Variants in MALRD1 observed in about 807,000 individuals in gnomAD.
MALRD1 encodes MAM and LDL receptor class A domain containing 1.
MALRD1 carries 247 observed loss-of-function variants against 242.1 expected under a neutral mutation model. The observed-to-expected ratio is 1.02, with a 90% CI of 0.92 to 1.13. The LOEUF is 1.13. MALRD1 is among the 50% of genes most tolerant of loss of function. The probability of loss-of-function intolerance (pLI) is 0.00; values close to 1 mark genes in which losing one functional copy is unlikely to be tolerated. For synonymous variants in MALRD1, 995 were observed against 866.6 expected, an observed-to-expected ratio of 1.15 and a Z score of -2.60; for missense variants, 2,989 against 2,533.1, an observed-to-expected ratio of 1.18 and a Z score of -3.86.
intron 33 of MALRD1, among the ~76,000 whole-genome samples, chr10:19,586,477 A>G (rs894689076): frequency 3.9e-5 from 6 of 151,900 alleles, no homozygotes; most frequent in African/African-American, 1.5e-4. Flanking sequence ...CTGTTGGAGT[A>G]CCCGGCCGTG....
At chr10:19,628,454 A>C (rs528250718) in intron 36 of MALRD1, among the ~76,000 whole-genome samples, 1 of 152,278 alleles carries the variant, frequency 6.6e-6, no homozygotes, top group South Asian at 2.1e-4. Context: ...AAAATAGAAG[A>C]TATAAATCCT....
chr10:19,441,149 G>T (rs2130987458), intron 28 of MALRD1, among the ~76,000 whole-genome samples: 1 of 152,278 alleles, frequency 6.6e-6, no homozygotes, highest in African/African-American at 2.4e-5. Flanking sequence ...CTTCTTTTGA[G>T]AAGTGTCTGT....
chr10:19,099,147 T>C (rs960924118), intron 4 of MALRD1, among the ~76,000 whole-genome samples: 1 of 152,300 alleles, frequency 6.6e-6, no homozygotes, highest in Admixed American at 6.5e-5. Flanking sequence ...GTAGCCTTTT[T>C]TTATTGGCAC....
At chr10:19,307,452 G>T (rs541241523) in intron 21 of MALRD1, among the ~76,000 whole-genome samples, 22 of 151,576 alleles carry the variant, frequency 1.5e-4, no homozygotes, top group African/African-American at 5.3e-4. Context: ...TAACTTTTTA[G>T]CTTGAGAGAT....
Position 19,352,146 on chromosome 10 carries a change from G to A in MALRD1, c.4290G>A (p.Leu1430=), listed in dbSNP as rs1297702798. The part of the protein sequence containing the change: ...GNFWRREELS[L]FGDEDFQLKF... ...TCTGGCGGAGAGAAGAACTGTCACT[G>A]TTTGGTGATGAAGACTTCCAACTCA... Residue 1430 remains leucine (L), a synonymous_variant, in exon 26 of 40, where the codon CTG becomes CTA. Transcript: ENST00000454679. 6 of 1,550,482 alleles carry A rather than the reference G, an allele frequency of 3.9e-6. No homozygotes were observed. The highest frequency in any genetic ancestry group is 5.2e-6 in the Non-Finnish European group (6 of 1,146,956).
At chr10:19,562,790 T>C (rs990607298) in intron 32 of MALRD1, among the ~76,000 whole-genome samples, 4 of 152,104 alleles carry the variant, frequency 2.6e-5, no homozygotes, top group Non-Finnish European at 5.9e-5. Context: ...TAGATTCCCA[T>C]AGAAGCATGA....
chr10:19,316,369 G>A (rs7894610), intron 21 of MALRD1, among the ~76,000 whole-genome samples: 11,934 of 151,866 alleles, frequency 0.079, 1,016 homozygotes, highest in African/African-American at 0.22. Flanking sequence ...CTGGAATACT[G>A]CAGCAGAGTG....
At chr10:19,119,680 C>A (rs1836994473) in intron 5 of MALRD1, among the ~76,000 whole-genome samples, 1 of 152,170 alleles carries the variant, frequency 6.6e-6, no homozygotes, top group African/African-American at 2.4e-5. Flanking sequence ...GGGTCAGAAT[C>A]TTGTAGCCTC....
chr10:19,666,499 C>T (rs924453158), intron 36 of MALRD1, among the ~76,000 whole-genome samples: 5 of 152,148 alleles, frequency 3.3e-5, no homozygotes, highest in African/African-American at 1.2e-4. Context: ...ACCTCAAACC[C>T]ATTTTTACAT....
chr10:19,320,041 C>CTTTTTTTTTTTTTTTTTTTTTTTTAATTT (rs34481531), intron 21 of MALRD1, among the ~76,000 whole-genome samples: 1 of 73,070 alleles, frequency 1.4e-5, no homozygotes, highest in African/African-American at 5.7e-5. Flanking sequence ...TATAAAACTG[C>CTTTTTTTTTTTTTTTTTTTTTTTTAATTT]TTTTTTTTTT....
At chr10:19,557,463 A>G (rs904847021) in intron 32 of MALRD1, among the ~76,000 whole-genome samples, 1 of 152,046 alleles carries the variant, frequency 6.6e-6, no homozygotes, top group South Asian at 2.1e-4. Context: ...TTTTGGTAAC[A>G]CATGTATACT....
intron 31 of MALRD1, among the ~76,000 whole-genome samples, chr10:19,529,622 A>T (rs1441337498): frequency 6.6e-6 from 1 of 150,908 alleles, no homozygotes; most frequent in African/African-American, 2.5e-5. Flanking sequence ...TAAATGTTAT[A>T]AATATTAGTC....
chr10:19,238,848 G>A (rs1471480833), intron 18 of MALRD1, among the ~76,000 whole-genome samples: 1 of 151,096 alleles, frequency 6.6e-6, no homozygotes, highest in African/African-American at 2.4e-5. Flanking sequence ...TCAACAGTGT[G>A]TAAGTGTTCC....
At chr10:19,284,060 G>A (rs990798121) in intron 21 of MALRD1, among the ~76,000 whole-genome samples, 11 of 152,174 alleles carry the variant, frequency 7.2e-5, no homozygotes, top group African/African-American at 2.2e-4. Context: ...AAAGGGAAAG[G>A]CCCTGAGCCA....
At chr10:19,511,296 C>G (rs1456779434) in intron 31 of MALRD1, among the ~76,000 whole-genome samples, 1 of 152,038 alleles carries the variant, frequency 6.6e-6, no homozygotes, top group Admixed American at 6.5e-5. Flanking sequence ...GACATGGAGT[C>G]AAAAAGATCA....
At position 19,133,872 on chromosome 10, in the gene MALRD1, G is replaced by A; in HGVS notation, c.1127G>A (p.Trp376Ter). The A allele has an allele frequency of 8.1e-7, 1 of 1,228,386 alleles. No individual in the cohort carries two copies. The highest frequency in any genetic ancestry group is 1.0e-6 in the Non-Finnish European group (1 of 985,258). 76.1% of individuals were successfully genotyped at this position (1,228,386 alleles called of 1,614,324 possible). A position where few individuals can be genotyped will look rare whatever the true frequency, so the allele number is the denominator to read the frequency against. ...AAATCAAAGGAAGAAGAAATATTTT[G>A]GACATACAACATATCAACTCACAGC... ...LYNNKEEEIF[W>*]TYNISTHSQW... The change falls in exon 9 of 40, where the codon TGG (tryptophan) becomes TAG (stop). Residue 376 changes from tryptophan (W) to a stop codon, truncating the protein, a stop_gained. Transcript: ENST00000454679. LOFTEE classifies it high-confidence loss of function.
chr10:19,646,756 A>G (rs900411824), intron 36 of MALRD1, among the ~76,000 whole-genome samples: 4 of 152,220 alleles, frequency 2.6e-5, no homozygotes, highest in African/African-American at 7.2e-5. Context: ...TTAAAAAAAT[A>G]TATATAATGC....
Position 19,163,635 on chromosome 10 carries a change from G to A in MALRD1, c.1657-2002G>A, listed in dbSNP as rs548954931. ...TTGCCTATGTAACAAATCTTCACATGTACCCCTGAACCTAAAATAGAAGTA... is the reference window on the plus strand; with the variant it reads ...TTGCCTATGTAACAAATCTTCACATATACCCCTGAACCTAAAATAGAAGTA... On this transcript the variant is annotated intron_variant, in intron 12 of 39. Transcript: ENST00000454679. Among the ~76,000 whole-genome samples the A allele has an allele frequency of 4.6e-5, 7 of 152,166 alleles. No homozygotes were observed. In the East Asian group the frequency reaches 1.4e-3, roughly 29 times the overall value.
intron 28 of MALRD1, among the ~76,000 whole-genome samples, chr10:19,428,172 G>A (rs947340545): frequency 3.3e-5 from 5 of 151,724 alleles, no homozygotes; most frequent in Non-Finnish European, 7.4e-5. Flanking sequence ...GTGAGGCGTT[G>A]GCAATTAGGA....
Sources: gnomAD v4.1 joint callset for allele counts (sites outside exome capture counted in the v4.1 genomes callset) on GRCh38, gnomAD v4.1.1 for gene constraint, MANE v1.5 for transcripts, NCBI Gene and HGNC (gene_info 2026-07-23, HGNC 2026-07-21) for gene names.